Variants in ZHX2 observed in about 807,000 individuals in gnomAD.
ZHX2 encodes the protein zinc fingers and homeoboxes protein 2.
A neutral mutation model predicts 21.9 loss-of-function variants in ZHX2; 6 were observed. The observed-to-expected ratio is 0.27, with a 90% CI of 0.15 to 0.54. ZHX2 has a LOEUF of 0.54. Among genes scored for constraint, ZHX2 ranks in the 20% least tolerant of loss-of-function variants. The probability of loss-of-function intolerance (pLI) is 0.95; values close to 1 mark genes in which losing one functional copy is unlikely to be tolerated. For synonymous variants in ZHX2, 434 were observed against 437.1 expected, an observed-to-expected ratio of 0.99 and a Z score of 0.09; for missense variants, 908 against 1,090.7, an observed-to-expected ratio of 0.83 and a Z score of 2.36.
chr8:122,869,088 T>C (rs1242889052), intron 2 of ZHX2, among the ~76,000 whole-genome samples: 1 of 152,174 alleles, frequency 6.6e-6, no homozygotes, highest in Non-Finnish European at 1.5e-5. Flanking sequence ...TGAGCTGGGC[T>C]GCACAACCCT....
intron 2 of ZHX2, among the ~76,000 whole-genome samples, chr8:122,935,607 C>G (rs551670605): frequency 6.7e-6 from 1 of 150,148 alleles, no homozygotes; most frequent in South Asian, 2.1e-4. Flanking sequence ...GCAATCTCGG[C>G]TCACTGCAAG....
intron 2 of ZHX2, among the ~76,000 whole-genome samples, chr8:122,920,000 G>T (rs952375730): frequency 2.6e-5 from 4 of 152,140 alleles, no homozygotes; most frequent in Admixed American, 6.5e-5. Context: ...GAGGCTGGGC[G>T]CAGTGGCTCA....
At chr8:122,820,360 GA>G (rs991726739) in intron 1 of ZHX2, among the ~76,000 whole-genome samples, 2 of 152,234 alleles carry the variant, frequency 1.3e-5, no homozygotes, top group African/African-American at 4.8e-5. Flanking sequence ...GGCCTGTGGA[GA>G]AGCCCATATA....
intron 3 of ZHX2, among the ~76,000 whole-genome samples, chr8:122,962,133 A>G (rs1357521612): frequency 6.6e-6 from 1 of 152,136 alleles, no homozygotes; most frequent in African/African-American, 2.4e-5. Context: ...TCACACTCCA[A>G]ACTATTTTAA....
intron 1 of ZHX2, among the ~76,000 whole-genome samples, chr8:122,833,861 G>C (rs1010209064): frequency 2.0e-5 from 3 of 152,172 alleles, no homozygotes; most frequent in African/African-American, 7.2e-5. Context: ...GCCGGGCGTG[G>C]TGGTGGGCGC....
chr8:122,863,353 A>G (rs1464960700), intron 1 of ZHX2, 124 bp from the exon 2 acceptor site: 3 of 146,734 alleles, frequency 2.0e-5, no homozygotes, highest in African/African-American at 7.7e-5. Flanking sequence ...AGTCCTCACC[A>G]TTTCCTTCTC....
intron 1 of ZHX2, among the ~76,000 whole-genome samples, chr8:122,792,713 G>A (rs1204337761): frequency 6.6e-6 from 1 of 152,146 alleles, no homozygotes; most frequent in Non-Finnish European, 1.5e-5. Flanking sequence ...CTAGGGAGGA[G>A]GAGCAAGACA....
intron 1 of ZHX2, among the ~76,000 whole-genome samples, chr8:122,821,912 CCAGGCTGGTCTTGAACTCCTAACTT>C (rs1207907633): frequency 6.6e-6 from 1 of 152,064 alleles, no homozygotes; most frequent in Non-Finnish European, 1.5e-5. Context: ...CCCAGGTTGG[CCAGGCTGGTCTTGAACTCCTAACTT>C]CAGGTGATCC....
chr8:122,822,876 G>T (rs1290256401), intron 1 of ZHX2, among the ~76,000 whole-genome samples: 1 of 152,232 alleles, frequency 6.6e-6, no homozygotes, highest in African/African-American at 2.4e-5. Context: ...CTGGGCAGGT[G>T]GTGGCTCAGT....
chr8:122,839,067 G>T (rs1045081816), intron 1 of ZHX2, among the ~76,000 whole-genome samples: 3 of 151,958 alleles, frequency 2.0e-5, no homozygotes, highest in African/African-American at 7.3e-5. Flanking sequence ...ATTCCAAAGG[G>T]TTTTTCGTGT....
intron 1 of ZHX2, among the ~76,000 whole-genome samples, chr8:122,795,674 A>G (rs1365831769): frequency 6.6e-6 from 1 of 152,108 alleles, no homozygotes; most frequent in African/African-American, 2.4e-5. Flanking sequence ...ACCTTGTTTT[A>G]TATTATTTAA....
chr8:122,868,496 TA>T (rs998499097), intron 2 of ZHX2, among the ~76,000 whole-genome samples: 1 of 151,246 alleles, frequency 6.6e-6, no homozygotes, highest in Non-Finnish European at 1.5e-5. Context: ...AAATATGCTT[TA>T]AAAAATAGCC....
At chr8:122,820,724 AG>A (rs1206339222) in intron 1 of ZHX2, among the ~76,000 whole-genome samples, 4 of 152,208 alleles carry the variant, frequency 2.6e-5, no homozygotes, top group African/African-American at 9.6e-5. Context: ...GGAAAACTAA[AG>A]GAAGCTTCAA....
At chr8:122,931,284 G>A (rs2130142956) in intron 2 of ZHX2, among the ~76,000 whole-genome samples, 1 of 152,304 alleles carries the variant, frequency 6.6e-6, no homozygotes, top group Admixed American at 6.5e-5. Context: ...ACTGCTGCCT[G>A]CGTGAGAAGG....
chr8:122,948,939 C>T (rs1381946363), intron 2 of ZHX2, among the ~76,000 whole-genome samples: 4 of 152,034 alleles, frequency 2.6e-5, no homozygotes, highest in East Asian at 3.8e-4. Flanking sequence ...ATGAAAGAGG[C>T]TACAAGAGAA....
At chr8:122,902,777 T>C (rs555092056) in intron 2 of ZHX2, among the ~76,000 whole-genome samples, 72 of 152,220 alleles carry the variant, frequency 4.7e-4, no homozygotes, top group Non-Finnish European at 9.3e-4. Context: ...GTTTAATTAT[T>C]GTTATTGCTA....
intron 2 of ZHX2, among the ~76,000 whole-genome samples, chr8:122,944,081 G>A (rs542288229): frequency 6.6e-6 from 1 of 152,302 alleles, no homozygotes; most frequent in South Asian, 2.1e-4. Context: ...TTTGATAGGA[G>A]TCACTCTCAC....
intron 1 of ZHX2, among the ~76,000 whole-genome samples, chr8:122,797,348 C>T (rs1187975750): frequency 6.6e-6 from 1 of 152,164 alleles, no homozygotes; most frequent in East Asian, 1.9e-4. Flanking sequence ...GGTATGTACC[C>T]ACTTTCTAAA....
chr8:122,944,861 G>T (rs879384137), intron 2 of ZHX2, among the ~76,000 whole-genome samples: 1 of 152,216 alleles, frequency 6.6e-6, no homozygotes, highest in Non-Finnish European at 1.5e-5. Context: ...TGTATTTGGA[G>T]ATAGGTAATT....
Sources: allele counts gnomAD v4.1 joint callset (sites outside exome capture counted in the v4.1 genomes callset), GRCh38; gene constraint gnomAD v4.1.1; transcripts MANE v1.5; gene names NCBI Gene and HGNC (gene_info 2026-07-23, HGNC 2026-07-21).